Variants in CLASP1 observed in about 807,000 individuals in gnomAD.
CLASP1 encodes the protein CLIP-associating protein 1.
A neutral mutation model predicts 192.3 loss-of-function variants in CLASP1; 38 were observed. That is an observed-to-expected ratio of 0.20 (90% confidence interval 0.15 to 0.26). The LOEUF (loss-of-function observed/expected upper bound fraction) is 0.26. CLASP1 is among the 10% of genes least tolerant of loss of function. The pLI is 1.00. For missense variants in CLASP1, 1,433 were observed against 1,932.5 expected (o/e 0.74, Z 4.85); for synonymous variants, 691 against 712.8 (o/e 0.97, Z 0.49).
At chr2:121,367,705 G>T (rs1380135545) in exon 35 of CLASP1, 4 of 1,614,044 alleles carry the variant, frequency 2.5e-6, no homozygotes, top group Non-Finnish European at 3.4e-6. Context: ...CGCGGCCCCG[G>T]GAAGGCGCGC....
chr2:121,547,209 C>A (rs1370220437), intron 2 of CLASP1, among the ~76,000 whole-genome samples: 1 of 152,188 alleles, frequency 6.6e-6, no homozygotes, highest in Non-Finnish European at 1.5e-5. Context: ...AGCTATCCAG[C>A]CAGTAGCAAC....
At chr2:121,472,467 C>T (rs989963102) in intron 8 of CLASP1, among the ~76,000 whole-genome samples, 1 of 152,102 alleles carries the variant, frequency 6.6e-6, no homozygotes, top group South Asian at 2.1e-4. Flanking sequence ...AAGAAACAAA[C>T]AAGGCAAGCT....
In CLASP1 at chr2:121,578,196, G is replaced by C. The variant is rs116222141; in HGVS notation, c.195+27505C>G. Among the ~76,000 whole-genome samples the C allele has an allele frequency of 4.9e-3, 750 of 151,962 alleles. 9 individuals are homozygous for C. The highest frequency in any genetic ancestry group is 0.018 in the African/African-American group (727 of 41,452). ...AATCCGCCCACCTCGGCATCCCAAAGTGCAAGGATTACACAGGCATGAGCC... is the reference window on the plus strand; with the variant it reads ...AATCCGCCCACCTCGGCATCCCAAACTGCAAGGATTACACAGGCATGAGCC... On this transcript the variant is annotated intron_variant, in intron 2 of 39. Coordinates refer to ENST00000263710, the Ensembl canonical transcript of CLASP1.
At chr2:121,572,889 G>A (rs2060110215) in intron 2 of CLASP1, among the ~76,000 whole-genome samples, 1 of 152,160 alleles carries the variant, frequency 6.6e-6, no homozygotes, top group Non-Finnish European at 1.5e-5. Context: ...AAAAGGGAAA[G>A]GGTATTAAAT....
At chr2:121,476,724 C>T (rs750893113) in intron 8 of CLASP1, among the ~76,000 whole-genome samples, 7 of 152,132 alleles carry the variant, frequency 4.6e-5, no homozygotes, top group Non-Finnish European at 7.3e-5. Context: ...GCAGCAGGGT[C>T]ACTTTGAAGA....
intron 39 of CLASP1, among the ~76,000 whole-genome samples, chr2:121,345,871 C>G (rs1271435986): frequency 2.0e-5 from 3 of 152,176 alleles, no homozygotes; most frequent in African/African-American, 4.8e-5. Context: ...TGGCACATGT[C>G]GGTATAGACG....
chr2:121,641,197 T>A (rs1424466096), intron 1 of CLASP1, among the ~76,000 whole-genome samples: 2 of 152,146 alleles, frequency 1.3e-5, no homozygotes, highest in Non-Finnish European at 2.9e-5. Flanking sequence ...TGTTAGCATG[T>A]CCGGGCTACT....
At chr2:121,548,312 G>GA (rs1348875099) in intron 2 of CLASP1, among the ~76,000 whole-genome samples, 2 of 152,114 alleles carry the variant, frequency 1.3e-5, no homozygotes, top group African/African-American at 4.8e-5. Flanking sequence ...GCTGAAGAAA[G>GA]AATCTTAGAA....
At chr2:121,469,950 G>T in exon 9 of CLASP1, 1 of 1,610,860 alleles carries the variant, frequency 6.2e-7, no homozygotes, top group South Asian at 1.1e-5. Flanking sequence ...CTTCATCGTC[G>T]AAATTTTTAT....
At chr2:121,451,041 G>T in intron 15 of CLASP1, 51 bp from the exon 16 acceptor site, 1 of 1,215,438 alleles carries the variant, frequency 8.2e-7, no homozygotes, top group East Asian at 2.4e-5. Context: ...ATGGTTTGAT[G>T]CAAGTGAAAC....
intron 2 of CLASP1, among the ~76,000 whole-genome samples, chr2:121,588,204 C>T (rs370837554): frequency 4.9e-4 from 70 of 143,942 alleles, no homozygotes; most frequent in African/African-American, 1.6e-3. Context: ...AAAAGCTGAA[C>T]TTCACCAGTT....
At chr2:121,408,689 A>G (rs1364646876) in intron 24 of CLASP1, among the ~76,000 whole-genome samples, 2 of 152,210 alleles carry the variant, frequency 1.3e-5, no homozygotes, top group Non-Finnish European at 2.9e-5. Context: ...CACAAAATCC[A>G]GATTCCTAAA....
intron 8 of CLASP1, among the ~76,000 whole-genome samples, chr2:121,470,453 A>G (rs147115426): frequency 6.6e-6 from 1 of 152,000 alleles, no homozygotes; most frequent in Non-Finnish European, 1.5e-5. Context: ...AGTATATATC[A>G]TATTGGAATA....
At chr2:121,513,948 T>C (rs1374806927) in intron 7 of CLASP1, among the ~76,000 whole-genome samples, 2 of 152,242 alleles carry the variant, frequency 1.3e-5, no homozygotes. Flanking sequence ...CAAATTGTGC[T>C]GTGCAGTTTG....
rs577560884 is a variant in CLASP1, at chr2:121,404,683, T to C, written c.2670-249A>G. 2.2e-3 allele frequency among the ~76,000 whole-genome samples: 339 copies of C among 152,296 alleles called. 1 individual carries two copies. The highest frequency in any genetic ancestry group is 6.6e-3 in the African/African-American group (275 of 41,554). ...TACATAATTCGTATCTACATAACAA[T>C]GTTTTTTCACAAACTCTTATTTAAT... On this transcript the variant is annotated intron_variant, in intron 25 of 39. Transcript: ENST00000263710.
chr2:121,454,650 G>C (rs1056896707), intron 14 of CLASP1, among the ~76,000 whole-genome samples: 3 of 152,222 alleles, frequency 2.0e-5, no homozygotes, highest in African/African-American at 7.2e-5. Flanking sequence ...GCTCTAGACT[G>C]TGAGAAATAA....
chr2:121,561,376 T>C (rs1212230424), intron 2 of CLASP1, among the ~76,000 whole-genome samples: 1 of 152,252 alleles, frequency 6.6e-6, no homozygotes, highest in African/African-American at 2.4e-5. Flanking sequence ...CTTAAAGCTT[T>C]CTTTTCTCTT....
exon 40 of CLASP1, chr2:121,339,900 G>C (rs1300092665): frequency 6.6e-6 from 1 of 152,202 alleles, no homozygotes; most frequent in Non-Finnish European, 1.5e-5. Flanking sequence ...GACCATGTTA[G>C]AACTGAACGG....
chr2:121,605,004 G>C (rs971095924), intron 2 of CLASP1, among the ~76,000 whole-genome samples: 1 of 152,206 alleles, frequency 6.6e-6, no homozygotes, highest in East Asian at 1.9e-4. Flanking sequence ...GAAGCAGAGA[G>C]AGGAACACCA....
Sources: allele counts gnomAD v4.1 joint callset (sites outside exome capture counted in the v4.1 genomes callset), GRCh38; gene constraint gnomAD v4.1.1; transcripts MANE v1.5; gene names NCBI Gene and HGNC (gene_info 2026-07-23, HGNC 2026-07-21).